Variants in RREB1 observed in about 807,000 individuals in gnomAD.
RREB1 encodes the protein ras responsive element binding protein 1, also known as ras-responsive element-binding protein 1.
Under a neutral mutation model 117.8 loss-of-function variants are expected in RREB1, and 27 were observed. The observed-to-expected ratio is 0.23, with a 90% CI of 0.17 to 0.32. The LOEUF is 0.32. RREB1 is among the 10% of genes least tolerant of loss of function. The pLI is 1.00. For missense variants in RREB1, 2,577 were observed against 2,378.2 expected, an observed-to-expected ratio of 1.08 and a Z score of -1.74; for synonymous variants, 1,298 against 1,026.7, an observed-to-expected ratio of 1.26 and a Z score of -5.05.
rs368350315 is a variant in RREB1 at position 7,240,405 on chromosome 6, C to T, written c.3809-33C>T. ...TTTTCTATTTCATTGCAGTAGAAAG[C>T]CAGATAAATATATATTTTTTTTCCT... On this transcript the variant is annotated intron_variant, in intron 10 of 12. Transcript: ENST00000379938. 4.4e-5 allele frequency: 70 copies of T among 1,575,862 alleles called. No individual in the cohort carries two copies. In the African/African-American group the frequency reaches 7.6e-4, roughly 17 times the overall value.
chr6:7,200,636 TTCTC>T (rs1765919305), intron 6 of RREB1, among the ~76,000 whole-genome samples: 1 of 152,208 alleles, frequency 6.6e-6, no homozygotes, highest in Admixed American at 6.5e-5. Context: ...GATTTAGAAT[TTCTC>T]TCTGAATTGA....
chr6:7,242,649 C>CA (rs553843234), intron 11 of RREB1, among the ~76,000 whole-genome samples: 13 of 151,062 alleles, frequency 8.6e-5, no homozygotes, highest in South Asian at 2.2e-4. Context: ...GGTTCCCCCC[C>CA]CCCAGTGAAG....
chr6:7,128,465 G>A (rs1018416885), intron 1 of RREB1, among the ~76,000 whole-genome samples: 1 of 152,078 alleles, frequency 6.6e-6, no homozygotes, highest in Non-Finnish European at 1.5e-5. Flanking sequence ...ATGTCTCTGT[G>A]TGTAATCATC....
intron 1 of RREB1, among the ~76,000 whole-genome samples, chr6:7,165,287 A>G (rs1763874633): frequency 6.6e-6 from 1 of 152,188 alleles, no homozygotes; most frequent in South Asian, 2.1e-4. Flanking sequence ...AAAAGTGTGG[A>G]CTGTTGGAGG....
At chr6:7,211,343 G>A (rs576341116) in intron 7 of RREB1, among the ~76,000 whole-genome samples, 76 of 138,446 alleles carry the variant, frequency 5.5e-4, no homozygotes, top group African/African-American at 2.2e-3. Flanking sequence ...TGGACAGATG[G>A]ATGGATGGAT....
chr6:7,210,407 T>G (rs555077932), intron 6 of RREB1, among the ~76,000 whole-genome samples: 2 of 152,342 alleles, frequency 1.3e-5, no homozygotes, highest in African/African-American at 4.8e-5. Flanking sequence ...AAGGATAGCA[T>G]TATCACTTAG....
chr6:7,110,188 G>GTT (rs1203025758), intron 1 of RREB1, among the ~76,000 whole-genome samples: 4 of 152,126 alleles, frequency 2.6e-5, no homozygotes, highest in Non-Finnish European at 4.4e-5. Flanking sequence ...AGTGGAAGGT[G>GTT]GGGAAAAGAG....
chr6:7,152,421 G>A (rs891852268), intron 1 of RREB1, among the ~76,000 whole-genome samples: 6 of 152,116 alleles, frequency 3.9e-5, no homozygotes, highest in East Asian at 1.9e-4. Context: ...CAGAAATGAA[G>A]AAAATAATCC....
chr6:7,114,381 A>T (rs1044479958), intron 1 of RREB1, among the ~76,000 whole-genome samples: 4 of 149,964 alleles, frequency 2.7e-5, no homozygotes, highest in African/African-American at 4.9e-5. Context: ...CTTGGGGCTT[A>T]CTCTTTGAAG....
rs972999940 is a variant in RREB1 at position 7,231,732 on chromosome 6, C to T, written c.3633C>T (p.Ala1211=). The change falls in exon 10 of 13, where the codon GCC becomes GCT. Residue 1211 remains alanine (A), a synonymous_variant. Transcript: ENST00000379938. ...ACACTCAGGATGAGGTGGCCGGAGC[C>T]CCTGCCGACCACCATGGGCCCAGTG... ...EDNTQDEVAG[A]PADHHGPSDE... 4 of 1,613,710 alleles carry T rather than the reference C, an allele frequency of 2.5e-6. No individual in the cohort carries two copies. Among genetic ancestry groups the T allele is most frequent in the Non-Finnish European group, 3.4e-6 (4 of 1,180,006 alleles).
intron 1 of RREB1, among the ~76,000 whole-genome samples, chr6:7,151,027 G>A (rs1336171058): frequency 6.6e-6 from 1 of 152,182 alleles, no homozygotes; most frequent in African/African-American, 2.4e-5. Context: ...TCATCCGTGC[G>A]GCTGGAGGCT....
intron 1 of RREB1, among the ~76,000 whole-genome samples, chr6:7,132,574 G>A (rs1477179774): frequency 3.3e-5 from 5 of 152,246 alleles, no homozygotes; most frequent in African/African-American, 7.2e-5. Flanking sequence ...GAATGAATGC[G>A]GTAGGGGTTA....
At chr6:7,132,966 A>G (rs934498618) in intron 1 of RREB1, among the ~76,000 whole-genome samples, 5 of 152,228 alleles carry the variant, frequency 3.3e-5, no homozygotes, top group African/African-American at 9.6e-5. Context: ...CAGTGTTTCT[A>G]TCTTTGCTAT....
At position 7,249,101 on chromosome 6, in the gene RREB1, G is replaced by GAGAGAGACAGACAGACAGACAGAC; in HGVS notation, c.*136_*137insGAGACAGACAGACAGACAGACAGA. On this transcript the variant is annotated 3_prime_UTR_variant, in exon 13 of 13. Coordinates refer to ENST00000379938, the MANE Select transcript of RREB1 (RefSeq NM_001003699.4). ...AGAGAGAGAGAGAGAGAGAGAGAGA[G>GAGAGAGACAGACAGACAGACAGAC]AGACAAGCAGGAGCGTGGCTGCTCG... The GAGAGAGACAGACAGACAGACAGAC allele has an allele frequency of 1.7e-6, 1 of 592,046 alleles. No homozygotes were observed. The allele number at this position is 592,046 out of a possible 1,614,324, so 36.7% of individuals were successfully genotyped here. A position where few individuals can be genotyped will look rare whatever the true frequency, so the allele number is the denominator to read the frequency against.
intron 2 of RREB1, among the ~76,000 whole-genome samples, chr6:7,179,188 T>C (rs1358202599): frequency 6.6e-6 from 1 of 152,234 alleles, no homozygotes; most frequent in Non-Finnish European, 1.5e-5. Context: ...CATTTAGTCT[T>C]AAAGGTGTTT....
At chr6:7,154,660 C>G (rs937931939) in intron 1 of RREB1, among the ~76,000 whole-genome samples, 3 of 152,176 alleles carry the variant, frequency 2.0e-5, no homozygotes, top group African/African-American at 7.2e-5. Context: ...CTGAGAGGTT[C>G]CCTAACTGTC....
chr6:7,223,802 T>A (rs1464401336), intron 8 of RREB1, among the ~76,000 whole-genome samples: 2 of 152,138 alleles, frequency 1.3e-5, no homozygotes, highest in Non-Finnish European at 2.9e-5. Context: ...CGGTACACAT[T>A]TCAGAAAGTT....
At chr6:7,168,260 A>AAG (rs1764053587) in intron 1 of RREB1, among the ~76,000 whole-genome samples, 1 of 151,582 alleles carries the variant, frequency 6.6e-6, no homozygotes. Flanking sequence ...GTCTGAAAAA[A>AAG]AAAAAAAAAA....
rs753643650 is a variant in RREB1 at position 7,211,695 on chromosome 6, A to T, written c.693A>T (p.Ser231=). The part of the protein sequence containing the change: ...YGLETHMETH[S]DNPLRCDICC... ...TGGAGACCCACATGGAGACCCATTC[A>T]GATAACCCACTAAGGTAGGAGAAAG... Residue 231 remains serine, a synonymous_variant, in exon 8 of 13, where the codon TCA becomes TCT. Coordinates refer to ENST00000379938, the MANE Select transcript of RREB1 (RefSeq NM_001003699.4). The T allele has an allele frequency of 6.2e-7, 1 of 1,614,058 alleles. No individual in the cohort carries two copies. Among genetic ancestry groups the T allele is most frequent in the Non-Finnish European group, 8.5e-7 (1 of 1,179,986 alleles).
Sources: gnomAD v4.1 joint callset for allele counts (sites outside exome capture counted in the v4.1 genomes callset) on GRCh38, gnomAD v4.1.1 for gene constraint, MANE v1.5 for transcripts, NCBI Gene and HGNC (gene_info 2026-07-23, HGNC 2026-07-21) for gene names.